The following ELMO1 variants were observed in gnomAD, a reference collection of about 807,000 sequenced individuals.
The protein encoded by ELMO1 is engulfment and cell motility 1, also known as engulfment and cell motility protein 1.
Under a neutral mutation model 98.9 loss-of-function variants are expected in ELMO1, and 26 were observed. The ratio of observed to expected loss-of-function variants is 0.26; its 90% confidence interval spans 0.19 to 0.36. ELMO1 has a LOEUF of 0.36. Ranked by LOEUF, ELMO1 falls within the 10% of genes least tolerant of loss-of-function variation. The pLI is 1.00. For synonymous variants in ELMO1, 346 were observed against 346.0 expected (o/e 1.00, Z 0.00); for missense variants, 627 against 935.2 (o/e 0.67, Z 4.30).
intron 1 of ELMO1, among the ~76,000 whole-genome samples, chr7:37,380,658 C>T (rs1019437827): frequency 4.6e-5 from 7 of 152,224 alleles, no homozygotes; most frequent in African/African-American, 1.7e-4. Context: ...TAAATGATCG[C>T]TCCTGAAGGA....
At chr7:37,101,871 T>C (rs1362040455) in intron 14 of ELMO1, among the ~76,000 whole-genome samples, 1 of 152,066 alleles carries the variant, frequency 6.6e-6, no homozygotes, top group Non-Finnish European at 1.5e-5. Flanking sequence ...AACAAGTCAA[T>C]GCATGACATG....
At chr7:37,122,738 TTAA>T (rs1353758954) in intron 14 of ELMO1, among the ~76,000 whole-genome samples, 1 of 152,032 alleles carries the variant, frequency 6.6e-6, no homozygotes, top group African/African-American at 2.4e-5. Flanking sequence ...AGACAGAAAG[TTAA>T]TAAGGATATC....
chr7:37,256,767 G>A (rs1795687619), intron 6 of ELMO1, among the ~76,000 whole-genome samples: 1 of 139,056 alleles, frequency 7.2e-6, no homozygotes, highest in Non-Finnish European at 1.6e-5. Flanking sequence ...GAAGGGAGAA[G>A]GGAGGAGGAA....
intron 4 of ELMO1, among the ~76,000 whole-genome samples, chr7:37,287,809 TC>T: frequency 6.6e-6 from 1 of 152,318 alleles, no homozygotes; most frequent in Middle Eastern, 3.4e-3. Flanking sequence ...TCCTCTCACT[TC>T]CAGCTCACTA....
At chr7:37,367,413 A>G (rs1216804900) in intron 1 of ELMO1, among the ~76,000 whole-genome samples, 1 of 152,160 alleles carries the variant, frequency 6.6e-6, no homozygotes, top group African/African-American at 2.4e-5. Context: ...TTTCTTCACC[A>G]TTTTACCTGT....
At chr7:37,356,995 T>C (rs896454304) in intron 1 of ELMO1, among the ~76,000 whole-genome samples, 2 of 152,100 alleles carry the variant, frequency 1.3e-5, no homozygotes, top group African/African-American at 4.8e-5. Flanking sequence ...CTGCCCTATA[T>C]CCAGGAGGAA....
At chr7:36,950,458 C>A (rs535108432) in intron 16 of ELMO1, among the ~76,000 whole-genome samples, 29 of 152,326 alleles carry the variant, frequency 1.9e-4, no homozygotes, top group African/African-American at 6.3e-4. Context: ...CAGGTTTCTC[C>A]TATTTTCTCC....
At chr7:37,146,742 C>G (rs1179780863) in intron 13 of ELMO1, among the ~76,000 whole-genome samples, 1 of 152,158 alleles carries the variant, frequency 6.6e-6, no homozygotes, top group Non-Finnish European at 1.5e-5. Flanking sequence ...AGAAGACAGT[C>G]TATCAAACCT....
chr7:36,942,053 T>C (rs1416121992), intron 16 of ELMO1, among the ~76,000 whole-genome samples: 4 of 152,298 alleles, frequency 2.6e-5, no homozygotes, highest in South Asian at 2.1e-4. Context: ...GTTTTAGAGG[T>C]AGAGGTTAAC....
At chr7:37,065,442 C>G (rs1796905788) in intron 15 of ELMO1, among the ~76,000 whole-genome samples, 1 of 152,156 alleles carries the variant, frequency 6.6e-6, no homozygotes, top group Admixed American at 6.5e-5. Context: ...ATTCAGTCCT[C>G]TTCTAACTTG....
intron 13 of ELMO1, among the ~76,000 whole-genome samples, chr7:37,183,561 A>AG (rs11448067): frequency 0.79 from 119,306 of 151,948 alleles, 46,887 homozygotes; most frequent in South Asian, 0.88. Context: ...GACCCAGAAG[A>AG]GAGAGAGAGA....
intron 16 of ELMO1, among the ~76,000 whole-genome samples, chr7:36,932,740 T>G (rs1483899851): frequency 1.3e-5 from 2 of 152,212 alleles, no homozygotes; most frequent in Non-Finnish European, 2.9e-5. Flanking sequence ...GACTCTTGGA[T>G]GTTTCCAAGA....
At chr7:37,394,647 TGTGG>T (rs2131432993) in intron 1 of ELMO1, among the ~76,000 whole-genome samples, 1 of 152,070 alleles carries the variant, frequency 6.6e-6, no homozygotes, top group Non-Finnish European at 1.5e-5. Flanking sequence ...GCAGGAACAG[TGTGG>T]AGGAAACAGA....
intron 2 of ELMO1, among the ~76,000 whole-genome samples, chr7:37,338,951 A>G (rs1482706701): frequency 1.3e-5 from 2 of 152,352 alleles, no homozygotes; most frequent in East Asian, 3.9e-4. Flanking sequence ...CAAGTCCATC[A>G]TGGGCAGACG....
intron 15 of ELMO1, among the ~76,000 whole-genome samples, chr7:37,075,446 C>T (rs189152793): frequency 1.1e-4 from 16 of 152,144 alleles, no homozygotes; most frequent in Admixed American, 2.0e-4. Flanking sequence ...TGAGCCACCA[C>T]GCCCGGCCTC....
At chr7:37,407,673 G>A (rs558308404) in intron 1 of ELMO1, among the ~76,000 whole-genome samples, 1 of 152,194 alleles carries the variant, frequency 6.6e-6, no homozygotes, top group Non-Finnish European at 1.5e-5. Flanking sequence ...TGCAGTGAGA[G>A]AGGGATGCAT....
At chr7:36,867,202 A>C (rs1803099098) in intron 20 of ELMO1, among the ~76,000 whole-genome samples, 2 of 152,162 alleles carry the variant, frequency 1.3e-5, no homozygotes, top group Admixed American at 6.5e-5. Context: ...CTGTCCATCC[A>C]TCATCCATCT....
intron 13 of ELMO1, among the ~76,000 whole-genome samples, chr7:37,144,476 C>A (rs1015581051): frequency 1.3e-5 from 2 of 152,172 alleles, no homozygotes; most frequent in Admixed American, 6.5e-5. Flanking sequence ...GCTTTGGATA[C>A]AGATTTATTT....
chr7:37,123,715 G>A (rs1786273103), intron 14 of ELMO1, among the ~76,000 whole-genome samples: 3 of 152,150 alleles, frequency 2.0e-5, no homozygotes. Context: ...GGTACAAAGA[G>A]GAGCTGGTAC....
Sources: allele counts gnomAD v4.1 joint callset (sites outside exome capture counted in the v4.1 genomes callset), GRCh38; gene constraint gnomAD v4.1.1; transcripts MANE v1.5; gene names NCBI Gene and HGNC (gene_info 2026-07-23, HGNC 2026-07-21).